THSD7B: variants seen among roughly 807,000 people sequenced by gnomAD.
The protein encoded by THSD7B is thrombospondin type 1 domain containing 7B.
THSD7B carries 138 observed loss-of-function variants against 213.6 expected under a neutral mutation model. That is an observed-to-expected ratio of 0.65 (90% CI 0.56 to 0.74). THSD7B has a LOEUF of 0.74. Among genes scored for constraint, THSD7B ranks in the 30% least tolerant of loss-of-function variants. The pLI is 0.00. For missense variants in THSD7B, 1,931 were observed against 1,991.5 expected (o/e 0.97, Z 0.58); for synonymous variants, 742 against 687.0 (o/e 1.08, Z -1.25).
At chr2:137,326,062 G>A (rs961174292) in intron 12 of THSD7B, among the ~76,000 whole-genome samples, 4 of 152,078 alleles carry the variant, frequency 2.6e-5, no homozygotes, top group Non-Finnish European at 4.4e-5. Context: ...AACCAGTCTC[G>A]TTAACAGGGG....
chr2:137,234,844 A>G (rs1681729553), intron 9 of THSD7B, among the ~76,000 whole-genome samples: 1 of 152,208 alleles, frequency 6.6e-6, no homozygotes, highest in Non-Finnish European at 1.5e-5. Context: ...AAAGGGGACT[A>G]TCATGAAAAT....
intron 1 of THSD7B, among the ~76,000 whole-genome samples, chr2:136,848,716 AGTT>A (rs1683048844): frequency 6.6e-6 from 1 of 152,138 alleles, no homozygotes; most frequent in East Asian, 1.9e-4. Context: ...AGGGGTTTTT[AGTT>A]ATGCAAAGTT....
chr2:137,645,969 A>G (rs960637788), intron 21 of THSD7B, among the ~76,000 whole-genome samples: 1 of 152,200 alleles, frequency 6.6e-6, no homozygotes, highest in African/African-American at 2.4e-5. Context: ...TAAATCTACT[A>G]TGAATTGATT....
chr2:136,807,050 A>G (rs1438310600), intron 1 of THSD7B, among the ~76,000 whole-genome samples: 1 of 152,212 alleles, frequency 6.6e-6, no homozygotes, highest in Non-Finnish European at 1.5e-5. Context: ...TGTCAGTTTG[A>G]GTCATCACTA....
At chr2:137,267,236 G>A (rs957134343) in intron 10 of THSD7B, among the ~76,000 whole-genome samples, 3 of 152,054 alleles carry the variant, frequency 2.0e-5, no homozygotes, top group Non-Finnish European at 2.9e-5. Flanking sequence ...GATAAAATAT[G>A]CATAAATCAA....
intron 15 of THSD7B, among the ~76,000 whole-genome samples, chr2:137,481,904 G>T (rs563110014): frequency 6.6e-6 from 1 of 152,276 alleles, no homozygotes; most frequent in East Asian, 1.9e-4. Flanking sequence ...CCGGCTGGCC[G>T]CAGTGGCTCA....
intron 2 of THSD7B, among the ~76,000 whole-genome samples, chr2:136,905,588 A>AT (rs1558846684): frequency 6.6e-6 from 1 of 152,226 alleles, no homozygotes; most frequent in African/African-American, 2.4e-5. Context: ...GTTTGTAGTC[A>AT]TCCTGCCTAA....
In THSD7B at chr2:137,676,773, G is replaced by T; in HGVS notation, c.*168G>T. On this transcript the variant is annotated 3_prime_UTR_variant, in exon 28 of 28. Coordinates refer to ENST00000409968, the MANE Select transcript of THSD7B (RefSeq NM_001316349.2). ...AACTTCATTTGGACATGGAGTCAAG[G>T]ATTATTAGGTCTGCCATTTTGTTTT... 3.6e-6 allele frequency: 2 copies of T among 548,530 alleles called. No homozygotes were observed. Among genetic ancestry groups the T allele is most frequent in the South Asian group, 4.9e-5 (1 of 20,484 alleles). 34.0% of individuals were successfully genotyped at this position (548,530 alleles called of 1,614,324 possible). A position where few individuals can be genotyped will look rare whatever the true frequency, so the allele number is the denominator to read the frequency against.
intron 14 of THSD7B, among the ~76,000 whole-genome samples, chr2:137,435,267 C>G (rs1687268952): frequency 6.6e-6 from 1 of 152,078 alleles, no homozygotes; most frequent in Non-Finnish European, 1.5e-5. Context: ...AAGATACAAA[C>G]TTTTTAAGGG....
At chr2:137,668,179 C>T (rs1301541721) in intron 27 of THSD7B, among the ~76,000 whole-genome samples, 5 of 152,176 alleles carry the variant, frequency 3.3e-5, no homozygotes, top group African/African-American at 1.2e-4. Flanking sequence ...CTTGATCTCA[C>T]TCCCCAGAGG....
intron 2 of THSD7B, among the ~76,000 whole-genome samples, chr2:136,992,940 A>G (rs1337569580): frequency 6.6e-6 from 1 of 152,230 alleles, no homozygotes; most frequent in African/African-American, 2.4e-5. Context: ...AAACACTAAA[A>G]GCTTTGCTCT....
intron 12 of THSD7B, among the ~76,000 whole-genome samples, chr2:137,286,363 AAC>A (rs1256988460): frequency 1.3e-5 from 2 of 152,060 alleles, no homozygotes; most frequent in Non-Finnish European, 2.9e-5. Context: ...ATATAGCAAA[AAC>A]ACACACTCTA....
chr2:137,072,246 T>A (rs34587217), intron 3 of THSD7B, among the ~76,000 whole-genome samples: 69,124 of 152,016 alleles, frequency 0.45, 20,064 homozygotes, highest in African/African-American at 0.81. Flanking sequence ...TGAGCATGCA[T>A]TGTTCTTCCG....
At chr2:136,980,939 C>T (rs1685566171) in intron 2 of THSD7B, among the ~76,000 whole-genome samples, 1 of 152,088 alleles carries the variant, frequency 6.6e-6, no homozygotes, top group Non-Finnish European at 1.5e-5. Context: ...TCTGGGGTCT[C>T]ACCAACTGCC....
At chr2:137,403,485 A>G (rs191891775) in intron 12 of THSD7B, among the ~76,000 whole-genome samples, 202 of 152,344 alleles carry the variant, frequency 1.3e-3, no homozygotes, top group African/African-American at 4.4e-3. Flanking sequence ...TTCCTTTCAC[A>G]TAGCAGATTT....
chr2:136,938,333 G>T (rs541607209), intron 2 of THSD7B, among the ~76,000 whole-genome samples: 1 of 152,288 alleles, frequency 6.6e-6, no homozygotes, highest in South Asian at 2.1e-4. Flanking sequence ...GAAAGAGGTA[G>T]AACCCAGAGA....
chr2:137,668,370 C>T (rs1396875237), intron 27 of THSD7B, among the ~76,000 whole-genome samples: 2 of 150,948 alleles, frequency 1.3e-5, no homozygotes, highest in Admixed American at 6.6e-5. Flanking sequence ...AACCTGTAAG[C>T]ACATTTTAAA....
chr2:137,281,491 T>C (rs912366464), intron 12 of THSD7B, among the ~76,000 whole-genome samples: 1 of 151,990 alleles, frequency 6.6e-6, no homozygotes, highest in South Asian at 2.1e-4. Flanking sequence ...ATGTGCCATG[T>C]TGGTGTGCTG....
rs181111885 is a variant in THSD7B, at chr2:137,487,106, C to T, written c.3138+36083C>T. Among the ~76,000 whole-genome samples the T allele has an allele frequency of 4.8e-3, 729 of 150,518 alleles. 49 individuals carry two copies. The highest frequency in any genetic ancestry group is 0.017 in the African/African-American group (698 of 39,990). ...GAACTAGGCCGGGCGCGGTGGCTCA[C>T]GCCTGTAATCCCAGCACTTTGGGAG... On this transcript the variant is annotated intron_variant, in intron 15 of 27. Coordinates refer to ENST00000409968, the MANE Select transcript of THSD7B (RefSeq NM_001316349.2).
Sources: gnomAD v4.1 joint callset for allele counts (sites outside exome capture counted in the v4.1 genomes callset) on GRCh38, gnomAD v4.1.1 for gene constraint, MANE v1.5 for transcripts, NCBI Gene and HGNC (gene_info 2026-07-23, HGNC 2026-07-21) for gene names.